The following PHF7 variants were observed in gnomAD, a reference collection of about 807,000 sequenced individuals.
The protein encoded by PHF7 is E3 ubiquitin-protein ligase PHF7.
In PHF7, 24 loss-of-function variants were observed where a neutral mutation model predicts 47.5. The observed-to-expected ratio is 0.51, with a 90% CI of 0.37 to 0.71. PHF7 has a LOEUF of 0.71. Among genes scored for constraint, PHF7 ranks in the 30% least tolerant of loss-of-function variants. The probability of loss-of-function intolerance (pLI) is 0.00; values close to 1 mark genes in which losing one functional copy is unlikely to be tolerated. For missense variants in PHF7, 361 were observed against 456.8 expected (o/e 0.79, Z 1.91); for synonymous variants, 156 against 153.8 (o/e 1.01, Z -0.11).
At chr3:52,414,260 C>G (rs1045219564) in intron 3 of PHF7, among the ~76,000 whole-genome samples, 1 of 151,690 alleles carries the variant, frequency 6.6e-6, no homozygotes, top group Non-Finnish European at 1.5e-5. Flanking sequence ...TAGAACAAAA[C>G]AAAACCAAAA....
chr3:52,413,046 A>G lies in PHF7; in HGVS notation c.41+126A>G. 5.5e-6 allele frequency: 4 copies of G among 722,008 alleles called. No individual in the cohort carries two copies. In the East Asian group the frequency reaches 1.1e-4, roughly 19 times the overall value. The allele number at this position is 722,008 out of a possible 1,614,324, so 44.7% of individuals were successfully genotyped here. On this transcript the variant is annotated intron_variant, in intron 2 of 10. Coordinates refer to ENST00000327906, the MANE Select transcript of PHF7 (RefSeq NM_016483.7). ...TTGGACAGTGTGGAAGCACACACGGAGCTGGGAGCTGTCATACCTGTCTTA... is the reference window on the plus strand; with the variant it reads ...TTGGACAGTGTGGAAGCACACACGGGGCTGGGAGCTGTCATACCTGTCTTA...
intron 1 of PHF7, among the ~76,000 whole-genome samples, chr3:52,412,202 A>G (rs77870993): frequency 1.1e-3 from 109 of 94,868 alleles, no homozygotes; most frequent in African/African-American, 5.3e-3. Context: ...ACCCTGTCTG[A>G]AAAAAAAAAA....
chr3:52,414,032 A>G lies in PHF7; in HGVS notation c.78A>G (p.Lys26=). 1 of 1,612,156 alleles carries G rather than the reference A, an allele frequency of 6.2e-7. No homozygotes were observed. Among genetic ancestry groups the G allele is most frequent in the South Asian group, 1.1e-5 (1 of 91,048 alleles). The change falls in exon 3 of 11, where the codon AAA becomes AAG. Residue 26 remains lysine, a synonymous_variant. Coordinates refer to ENST00000327906, the MANE Select transcript of PHF7 (RefSeq NM_016483.7). ...SAKTRRVTQR[K]PSSGPVCWLC... The stretch of plus-strand genomic sequence containing the variant: ...AGACTAGGAGGGTAACCCAGAGGAA[A>G]CCGTCTTCAGGGCCTGGTAAGAAAG...
rs1349255020 is a variant in PHF7, at chr3:52,423,641, A to G, written c.*324A>G. The G allele has an allele frequency of 8.6e-6, 2 of 233,672 alleles. No individual in the cohort carries two copies. Among genetic ancestry groups the G allele is most frequent in the African/African-American group, 4.5e-5 (2 of 44,188 alleles). The allele number at this position is 233,672 out of a possible 1,614,324, so 14.5% of individuals were successfully genotyped here. Reference sequence around the variant, plus strand: ...TTATGCAAATAAAGGTTTTCTCTCCATTGGTGTCTCCTTATAAATTCATTC... The same window carrying G: ...TTATGCAAATAAAGGTTTTCTCTCCGTTGGTGTCTCCTTATAAATTCATTC... On this transcript the variant is annotated 3_prime_UTR_variant, in exon 11 of 11. Transcript: ENST00000327906.
At chr3:52,421,098 T>C (rs747938723) in intron 7 of PHF7, 36 bp downstream of exon 7, 1 of 1,562,898 alleles carries the variant, frequency 6.4e-7, no homozygotes, top group East Asian at 2.3e-5. Flanking sequence ...CTTCCACCAT[T>C]GCCCTAGTTC....
intron 9 of PHF7, 168 bp from the exon 10 acceptor site, chr3:52,422,592 G>A: frequency 1.4e-6 from 1 of 731,862 alleles, no homozygotes; most frequent in Non-Finnish European, 2.4e-6. Flanking sequence ...ACCTTTCAAG[G>A]GGTTACGACT....
At chr3:52,418,986 G>C (rs1489551106) in intron 4 of PHF7, among the ~76,000 whole-genome samples, 1 of 151,878 alleles carries the variant, frequency 6.6e-6, no homozygotes, top group Non-Finnish European at 1.5e-5. Flanking sequence ...TGTATTTTTA[G>C]TAGAGACAGG....
chr3:52,413,019 G>C (rs1352300213), intron 2 of PHF7, 99 bp downstream of exon 2: 1 of 892,750 alleles, frequency 1.1e-6, no homozygotes, highest in African/African-American at 1.7e-5. Context: ...TGGGGGTTGA[G>C]GTTGGACAGT....
intron 6 of PHF7, 93 bp from the exon 7 acceptor site, chr3:52,420,810 C>G: frequency 8.6e-7 from 1 of 1,162,274 alleles, no homozygotes; most frequent in Non-Finnish European, 1.2e-6. Context: ...TCACTGGGCA[C>G]CAGCCTGGGT....
chr3:52,415,228 A>T (rs186821785), intron 4 of PHF7, among the ~76,000 whole-genome samples: 151 of 151,924 alleles, frequency 9.9e-4, no homozygotes, highest in Non-Finnish European at 2.0e-3. Flanking sequence ...ACGGAGTCTC[A>T]CTCTCTTGCC....
intron 4 of PHF7, among the ~76,000 whole-genome samples, chr3:52,416,436 G>A (rs559893329): frequency 6.6e-6 from 1 of 150,756 alleles, no homozygotes; most frequent in Non-Finnish European, 1.5e-5. Context: ...TGCCCACCTC[G>A]GCCTCCCAAA....
At chr3:52,412,749 T>C in intron 1 of PHF7, 62 bp from the exon 2 acceptor site, 1 of 740,566 alleles carries the variant, frequency 1.4e-6, no homozygotes, top group East Asian at 2.7e-5. Flanking sequence ...GCCTTGACCC[T>C]GGGGAACTTG....
At chr3:52,414,448 ATTC>A in intron 3 of PHF7, 45 bp from the exon 4 acceptor site, 1 of 1,056,490 alleles carries the variant, frequency 9.5e-7, no homozygotes, top group Middle Eastern at 2.0e-4. Flanking sequence ...CTTCTCTTCC[ATTC>A]TTAATGGTCA....
intron 3 of PHF7, 64 bp from the exon 4 acceptor site, chr3:52,414,432 C>G: frequency 1.1e-6 from 1 of 913,978 alleles, no homozygotes; most frequent in East Asian, 2.4e-5. Context: ...TGGTTACATT[C>G]TCACCCTTCT....
chr3:52,420,576 G>C (rs1212927538), intron 6 of PHF7, 141 bp downstream of exon 6: 1 of 847,198 alleles, frequency 1.2e-6, no homozygotes, highest in Non-Finnish European at 1.9e-6. Context: ...ATAAGAAACA[G>C]TGTCTTGACT....
rs765029963 is a variant in PHF7, at chr3:52,419,867, C to A, written c.221C>A (p.Ser74Tyr). ...AGTAAGCTGCCTCAGAGGGGCCAGT[C>A]CAACAGAGGCTTCCATGGATTTCTG... is the stretch of plus-strand genomic sequence containing the variant. Reference protein sequence around the residue: ...LSSKLPQRGQSNRGFHGFLPE... With the variant: ...LSSKLPQRGQYNRGFHGFLPE... The change falls in exon 5 of 11, where the codon TCC becomes TAC. Residue 74 changes from serine to tyrosine, a missense_variant. Physicochemically the swap from Ser to Tyr is moderately radical, Grantham distance 144 (BLOSUM62 -2). Transcript: ENST00000327906. The A allele has an allele frequency of 2.5e-6, 4 of 1,609,526 alleles. No homozygotes were observed. The highest frequency in any genetic ancestry group is 3.3e-5 in the Admixed American group (2 of 59,720).
intron 2 of PHF7, among the ~76,000 whole-genome samples, chr3:52,413,249 A>AT (rs1268295899): frequency 1.4e-4 from 22 of 152,206 alleles, no homozygotes; most frequent in Admixed American, 3.9e-4. Context: ...TGTTCTGTAG[A>AT]TTCATTGAGC....
intron 1 of PHF7, among the ~76,000 whole-genome samples, chr3:52,411,561 C>A (rs1183969328): frequency 6.6e-6 from 1 of 152,258 alleles, no homozygotes; most frequent in Non-Finnish European, 1.5e-5. Flanking sequence ...TATTCCCGAT[C>A]TCCAGCCGTG....
intron 9 of PHF7, 154 bp from the exon 10 acceptor site, chr3:52,422,606 G>A (rs1705825157): frequency 1.2e-6 from 1 of 807,722 alleles, no homozygotes. Context: ...TACGACTGAT[G>A]GCAGGCTTCT....
Sources: gnomAD v4.1 joint callset for allele counts (sites outside exome capture counted in the v4.1 genomes callset) on GRCh38, gnomAD v4.1.1 for gene constraint, MANE v1.5 for transcripts, NCBI Gene and HGNC (gene_info 2026-07-23, HGNC 2026-07-21) for gene names.